Variants in RUNX3 observed in about 807,000 individuals in gnomAD.
RUNX3 encodes RUNX family transcription factor 3, also known as runt-related transcription factor 3.
A neutral mutation model predicts 27.7 loss-of-function variants in RUNX3; 10 were observed. The ratio of observed to expected loss-of-function variants is 0.36; its 90% confidence interval spans 0.22 to 0.61. The LOEUF (loss-of-function observed/expected upper bound fraction) is 0.61. RUNX3 is among the 20% of genes least tolerant of loss of function. The probability of loss-of-function intolerance (pLI) is 0.72; values close to 1 mark genes in which losing one functional copy is unlikely to be tolerated. For synonymous variants in RUNX3, 270 were observed against 269.2 expected (o/e 1.00, Z -0.03); for missense variants, 469 against 629.5 (o/e 0.75, Z 2.73).
Position 24,929,890 on chromosome 1 carries a change from G to A in RUNX3, c.-22C>T, listed in dbSNP as rs945546454. The A allele has an allele frequency of 2.4e-5, 30 of 1,267,314 alleles. No homozygotes were observed. In the African/African-American group the frequency reaches 2.6e-4, roughly 11 times the overall value. The allele number at this position is 1,267,314 out of a possible 1,614,324, so 78.5% of individuals were successfully genotyped here. A position where few individuals can be genotyped will look rare whatever the true frequency, so the allele number is the denominator to read the frequency against. Reference sequence around the variant, plus strand: ...GCATAACAGCGGCCGTCAGGGCGCCGGGCAGGCGGAGACGGCGCGGCTTCC... The same window carrying A: ...GCATAACAGCGGCCGTCAGGGCGCCAGGCAGGCGGAGACGGCGCGGCTTCC... On this transcript the variant is annotated 5_prime_UTR_variant, in exon 1 of 5. Transcript: ENST00000308873.
intron 1 of RUNX3, chr1:24,929,271 C>T (rs567255156): frequency 1.6e-6 from 1 of 606,902 alleles, no homozygotes; most frequent in Admixed American, 2.1e-5. Context: ...ACCCGCAGGG[C>T]TGTATCTGAG....
intron 2 of RUNX3, among the ~76,000 whole-genome samples, chr1:24,941,252 C>T (rs115210569): frequency 6.6e-6 from 1 of 152,114 alleles, no homozygotes; most frequent in South Asian, 2.1e-4. Context: ...GACCAGTAGC[C>T]CTTCAGGTAT....
At chr1:24,924,915 G>A (rs1161778654) in intron 2 of RUNX3, among the ~76,000 whole-genome samples, 1 of 152,096 alleles carries the variant, frequency 6.6e-6, no homozygotes, top group African/African-American at 2.4e-5. Context: ...CCTTTTCTTG[G>A]TTCACACCTT....
chr1:24,964,583 A>AAGAAGGCGAG (rs1553210794), exon 2 of RUNX3: 2 of 1,607,326 alleles, frequency 1.2e-6, no homozygotes, highest in Non-Finnish European at 1.7e-6. Context: ...CCCCGCTCTG[A>AAGAAGGCGAG]AGAAGGCGAG....
intron 2 of RUNX3, among the ~76,000 whole-genome samples, chr1:24,924,315 C>T (rs559618677): frequency 2.0e-5 from 3 of 152,072 alleles, no homozygotes; most frequent in East Asian, 1.9e-4. Context: ...CTGCAGTGAT[C>T]GCACCACTGC....
At chr1:24,932,705 C>T (rs1439892378), upstream of RUNX3, among the ~76,000 whole-genome samples, 3 of 152,228 alleles carry the variant, frequency 2.0e-5, no homozygotes, top group Admixed American at 2.0e-4. Flanking sequence ...CTCCCCATCC[C>T]GGACCGACAA....
chr1:24,914,951 T>C (rs763863497), intron 3 of RUNX3, among the ~76,000 whole-genome samples: 7 of 152,108 alleles, frequency 4.6e-5, no homozygotes, highest in Non-Finnish European at 8.8e-5. Context: ...CTCCACTCCT[T>C]CTCCCAGCTT....
chr1:24,900,006 A>ATAGTAACCC lies in RUNX3; in HGVS notation c.*2115_*2116insGGGTTACTA, dbSNP rs1290274449. Reference sequence around the variant, plus strand: ...TATTTACTATCCCTGCCTCTCCAGGATCAGGAAGGGTTAGTAATCTGGGAT... The same window carrying ATAGTAACCC: ...TATTTACTATCCCTGCCTCTCCAGGATAGTAACCCTCAGGAAGGGTTAGTAATCTGGGAT... On this transcript the variant is annotated 3_prime_UTR_variant, in exon 5 of 5. Coordinates refer to ENST00000308873, the MANE Select transcript of RUNX3 (RefSeq NM_004350.3). 1 of 152,340 alleles carries ATAGTAACCC rather than the reference A, an allele frequency of 6.6e-6. No individual in the cohort carries two copies. The highest frequency in any genetic ancestry group is 2.4e-5 in the African/African-American group (1 of 41,418). The allele number at this position is 152,340 out of a possible 1,614,324, so 9.4% of individuals were successfully genotyped here.
In RUNX3 at chr1:24,945,937, C is replaced by G. The variant is rs76907009; in HGVS notation, c.59-16085G>C. 4.6e-3 allele frequency among the ~76,000 whole-genome samples: 693 copies of G among 152,278 alleles called. 6 individuals carry two copies. The highest frequency in any genetic ancestry group is 0.016 in the African/African-American group (657 of 41,542). The stretch of plus-strand genomic sequence containing the variant: ...TAAGGACTTGCTATTGTGTCCTTTA[C>G]GTTCCCTGACTGTGACCTCCCTGAG... On this transcript the variant is annotated intron_variant, in intron 2 of 6. Transcript: ENST00000338888.
chr1:24,927,725 C>T lies in RUNX3; in HGVS notation c.288G>A (p.Val96=). The T allele has an allele frequency of 6.2e-7, 1 of 1,613,994 alleles. No homozygotes were observed. ...TACCATCCGGCACGTCCCCCAATGC[C>T]ACCACCTGAAGACACGGGGCGGGGG... ...NKTLPVAFKV[V]ALGDVPDGTV... The change falls in exon 2 of 5, where the codon GTG becomes GTA. Residue 96 remains valine (V), a synonymous_variant. Transcript: ENST00000308873. This position sits in a 1 kb window ranked among gnomAD's most constrained non-coding sequence, Gnocchi z 5.0.
chr1:24,958,878 G>C (rs1424308856), intron 2 of RUNX3, among the ~76,000 whole-genome samples: 1 of 152,166 alleles, frequency 6.6e-6, no homozygotes, highest in African/African-American at 2.4e-5. Flanking sequence ...AACTACGGGG[G>C]GTGGGGGCAC....
intron 1 of RUNX3, chr1:24,928,910 T>C: frequency 2.6e-6 from 1 of 390,650 alleles, no homozygotes; most frequent in South Asian, 1.9e-5. Context: ...AACCGAGGCG[T>C]TTTCGTTTCA....
At chr1:24,935,205 A>G (rs10903115), upstream of RUNX3, among the ~76,000 whole-genome samples, 80,622 of 152,092 alleles carry the variant, frequency 0.53, 21,594 homozygotes, top group South Asian at 0.59. Flanking sequence ...ATACACTAGC[A>G]CCCTGATGCC....
chr1:24,960,832 T>G (rs886304662), intron 2 of RUNX3, among the ~76,000 whole-genome samples: 9 of 152,204 alleles, frequency 5.9e-5, no homozygotes, highest in African/African-American at 2.2e-4. Flanking sequence ...AAGGGACTTG[T>G]CCTTAGTTAC....
intron 2 of RUNX3, among the ~76,000 whole-genome samples, chr1:24,944,203 GT>G (rs1339370635): frequency 6.6e-6 from 1 of 152,072 alleles, no homozygotes; most frequent in African/African-American, 2.4e-5. Context: ...GCTTGATGGG[GT>G]CTACATGACC....
chr1:24,911,990 G>A (rs1640805931), intron 3 of RUNX3, among the ~76,000 whole-genome samples: 2 of 152,216 alleles, frequency 1.3e-5, no homozygotes. Flanking sequence ...GGGGAGAGGG[G>A]AGCCAAGGCG....
rs1166385815 is a variant in RUNX3 at position 24,962,607 on chromosome 1, T to C, written c.58+1907A>G. Among the ~76,000 whole-genome samples the C allele has an allele frequency of 1.3e-5, 2 of 152,190 alleles. No homozygotes were observed. Among genetic ancestry groups the C allele is most frequent in the Non-Finnish European group, 2.9e-5 (2 of 68,020 alleles). On this transcript the variant is annotated intron_variant, in intron 2 of 6. Coordinates refer to the RUNX3 transcript ENST00000338888. This position sits in a 1 kb window ranked among gnomAD's most constrained non-coding sequence, Gnocchi z 4.5. Reference sequence around the variant, plus strand: ...GAGGGGAGACAGGTCTCCACAAAAGTGGAGGGAAGGCCCTCGGGCCACAGA... The same window carrying C: ...GAGGGGAGACAGGTCTCCACAAAAGCGGAGGGAAGGCCCTCGGGCCACAGA...
Position 24,964,614 on chromosome 1 carries a change from G to A in RUNX3, c.-43C>T, listed in dbSNP as rs1278471863. 6 of 1,588,398 alleles carry A rather than the reference G, an allele frequency of 3.8e-6. No homozygotes were observed. The South Asian group carries it at 5.8e-5, about 15-fold the overall frequency. On this transcript the variant is annotated 5_prime_UTR_variant, in exon 2 of 7. Transcript: ENST00000338888. ...GCGAGAATTTTCAGCCCTTCAGGGGGTTGGGTTGGGATTCACTTGGTTGGC... is the reference window on the plus strand; with the variant it reads ...GCGAGAATTTTCAGCCCTTCAGGGGATTGGGTTGGGATTCACTTGGTTGGC...
rs1640531510 is a variant in RUNX3 at position 24,901,017 on chromosome 1, G to GTTTTGTTTTTTTTT, written c.*1104_*1105insAAAAAAAAACAAAA. 8.0e-6 allele frequency: 1 copy of GTTTTGTTTTTTTTT among 124,910 alleles called. No homozygotes were observed. The highest frequency in any genetic ancestry group is 3.0e-5 in the African/African-American group (1 of 32,794). 7.7% of individuals were successfully genotyped at this position (124,910 alleles called of 1,614,324 possible). A position where few individuals can be genotyped will look rare whatever the true frequency, so the allele number is the denominator to read the frequency against. On this transcript the variant is annotated 3_prime_UTR_variant, in exon 5 of 5. Coordinates refer to ENST00000308873, the MANE Select transcript of RUNX3 (RefSeq NM_004350.3). ...TAAAATCAGTTTTAAAAACTGTTTT[G>GTTTTGTTTTTTTTT]TTTTTTTTTTGTTTTTTTGTTTTTT...
Sources: gnomAD v4.1 joint callset for allele counts (sites outside exome capture counted in the v4.1 genomes callset) on GRCh38, gnomAD v4.1.1 for gene constraint, Gnocchi (gnomAD v3.1) non-coding constraint, MANE v1.5 for transcripts, NCBI Gene and HGNC (gene_info 2026-07-23, HGNC 2026-07-21) for gene names.